The following MAN2B2 variants were observed in gnomAD, a reference collection of about 807,000 sequenced individuals.
MAN2B2 encodes mannosidase alpha class 2B member 2.
A neutral mutation model predicts 117.1 loss-of-function variants in MAN2B2; 106 were observed. The observed-to-expected ratio is 0.90, with a 90% CI of 0.77 to 1.06. MAN2B2 has a LOEUF of 1.06. Ranked by LOEUF, MAN2B2 falls within the 50% of genes least tolerant of loss-of-function variation. The pLI is 0.00. For missense variants in MAN2B2, 1,326 were observed against 1,381.4 expected, an observed-to-expected ratio of 0.96 and a Z score of 0.64; for synonymous variants, 544 against 595.1, an observed-to-expected ratio of 0.91 and a Z score of 1.25.
intron 1 of MAN2B2, 53 bp downstream of exon 1, chr4:6,575,401 C>T: frequency 7.3e-7 from 1 of 1,369,970 alleles, no homozygotes; most frequent in Non-Finnish European, 9.7e-7. Context: ...TCCCTCTCCC[C>T]GCGGGATCTG....
chr4:6,614,425 C>T (rs532529422), intron 16 of MAN2B2, 70 bp downstream of exon 16: 19 of 1,565,048 alleles, frequency 1.2e-5, no homozygotes, highest in African/African-American at 4.1e-5. Flanking sequence ...CCGGGCCCAC[C>T]ACCAGACAGG....
chr4:6,604,977 C>T (rs542003292), intron 10 of MAN2B2, 78 bp from the exon 11 acceptor site: 7 of 1,489,068 alleles, frequency 4.7e-6, no homozygotes, highest in Admixed American at 2.0e-5. Flanking sequence ...ACACTGCTGC[C>T]TCAGCAAGTA....
intron 10 of MAN2B2, among the ~76,000 whole-genome samples, chr4:6,601,873 GTCAA>G (rs915228555): frequency 3.1e-4 from 47 of 152,184 alleles, no homozygotes; most frequent in Non-Finnish European, 1.2e-4. Context: ...ACCTTCCTTG[GTCAA>G]TCAAAGCCGT....
At chr4:6,613,311 G>T (rs138545004) in intron 15 of MAN2B2, among the ~76,000 whole-genome samples, 1 of 152,060 alleles carries the variant, frequency 6.6e-6, no homozygotes, top group African/African-American at 2.4e-5. Context: ...GGTTCTGGCC[G>T]GACATGGTGG....
At chr4:6,579,210 T>A (rs370723923) in intron 3 of MAN2B2, among the ~76,000 whole-genome samples, 1 of 21,536 alleles carries the variant, frequency 4.6e-5, no homozygotes, top group Non-Finnish European at 1.0e-4. Context: ...ACCATCACCA[T>A]CACCACCACC....
In MAN2B2 at chr4:6,614,852, G is replaced by A. The variant is rs531730402; in HGVS notation, c.2701+497G>A. ...TGGGCAAGGTCCTGGCTTTCTGAGCGCTTGGTCTAGAGCAGAAGCAATCAA... is the reference window on the plus strand; with the variant it reads ...TGGGCAAGGTCCTGGCTTTCTGAGCACTTGGTCTAGAGCAGAAGCAATCAA... On this transcript the variant is annotated intron_variant, in intron 16 of 18. Coordinates refer to ENST00000285599, the MANE Select transcript of MAN2B2 (RefSeq NM_015274.3). Among the ~76,000 whole-genome samples, 10 of 152,354 alleles carry A rather than the reference G, an allele frequency of 6.6e-5. No homozygotes were observed. The South Asian group carries it at 8.3e-4, about 13-fold the overall frequency.
intron 3 of MAN2B2, among the ~76,000 whole-genome samples, chr4:6,579,441 T>C (rs1274578128): frequency 6.3e-5 from 5 of 79,264 alleles, no homozygotes; most frequent in Admixed American, 1.3e-4. Context: ...CCACCACCCT[T>C]CACCATCACC....
chr4:6,601,837 C>T (rs116089841), intron 10 of MAN2B2, among the ~76,000 whole-genome samples: 1 of 152,322 alleles, frequency 6.6e-6, no homozygotes, highest in African/African-American at 2.4e-5. Flanking sequence ...CACACAGCTG[C>T]GAGGTGGCAA....
chr4:6,576,510 A>T, intron 1 of MAN2B2, 68 bp from the exon 2 acceptor site: 3 of 1,576,024 alleles, frequency 1.9e-6, no homozygotes, highest in Non-Finnish European at 2.6e-6. Context: ...CACCTGGCGA[A>T]TGGCAGGGGC....
rs115849840 is a variant in MAN2B2, at chr4:6,611,475, A to G, written c.2563+197A>G. 8.2e-4 allele frequency among the ~76,000 whole-genome samples: 125 copies of G among 152,328 alleles called. 2 individuals are homozygous for G. The highest frequency in any genetic ancestry group is 6.2e-4 in the South Asian group (3 of 4,830). ...CAAACAGTGGCTCACTTAAGGTCAT[A>G]CAACTAGGAGGTACAGAGCTGGGAC... is the stretch of plus-strand genomic sequence containing the variant. On this transcript the variant is annotated intron_variant, in intron 15 of 18. Transcript: ENST00000285599.
chr4:6,614,174 T>C (rs1435157030), intron 15 of MAN2B2, 44 bp from the exon 16 acceptor site: 1 of 1,594,528 alleles, frequency 6.3e-7, no homozygotes, highest in East Asian at 2.2e-5. Context: ...GGAGGAGGAG[T>C]TGAGCCCCAA....
At chr4:6,579,310 C>CTT (rs1726302949) in intron 3 of MAN2B2, among the ~76,000 whole-genome samples, 2 of 72,690 alleles carry the variant, frequency 2.8e-5, no homozygotes, top group Non-Finnish European at 6.3e-5. Context: ...ATCACCACCA[C>CTT]CACCACCATC....
intron 16 of MAN2B2, among the ~76,000 whole-genome samples, chr4:6,615,135 C>A (rs1711802576): frequency 6.6e-6 from 1 of 152,360 alleles, no homozygotes; most frequent in South Asian, 2.1e-4. Flanking sequence ...GTGGCTCACA[C>A]CTGGAATCCC....
chr4:6,575,939 C>A (rs1345509648), intron 1 of MAN2B2, among the ~76,000 whole-genome samples: 1 of 152,202 alleles, frequency 6.6e-6, no homozygotes, highest in Non-Finnish European at 1.5e-5. Flanking sequence ...TGCTGCCTTG[C>A]CCAAGGTCGC....
At chr4:6,578,300 G>A in intron 2 of MAN2B2, 93 bp from the exon 3 acceptor site, 2 of 885,096 alleles carry the variant, frequency 2.3e-6, no homozygotes, top group Non-Finnish European at 3.6e-6. Context: ...GTTTTATGCA[G>A]GGCGTGTGTG....
At position 6,589,136 on chromosome 4, in the gene MAN2B2, C is replaced by T. The variant is rs1356070728; in HGVS notation, c.656C>T (p.Pro219Leu). 6.8e-6 allele frequency: 11 copies of T among 1,614,000 alleles called. No individual in the cohort carries two copies. The highest frequency in any genetic ancestry group is 5.5e-5 in the South Asian group (5 of 91,088). Residue 219 changes from proline (P) to leucine (L), a missense_variant, in exon 5 of 19, where the codon CCG (proline) becomes CTG (leucine). Pro to Leu is a moderately conservative substitution (Grantham distance 98, BLOSUM62 -3). Coordinates refer to ENST00000285599, the MANE Select transcript of MAN2B2 (RefSeq NM_015274.3). ...HIMDQYSYCT[P>L]SHIPFSNRSG... ...ATGGACCAGTACAGCTACTGCACCC[C>T]GTCCCACATCCCTTTCTCCAACAGG...
rs368091394 is a variant in MAN2B2 at position 6,586,896 on chromosome 4, C to T, written c.392-100C>T. On this transcript the variant is annotated intron_variant, in intron 3 of 18. Coordinates refer to ENST00000285599, the MANE Select transcript of MAN2B2 (RefSeq NM_015274.3). ...ACCCTGCCTGGCCCAGTAGCTGGCA[C>T]TGCAACCCACTGGATAGGCAGGGTC... 26 of 1,131,576 alleles carry T rather than the reference C, an allele frequency of 2.3e-5. 1 individual carries two copies. The East Asian group carries it at 2.6e-4, about 11-fold the overall frequency. The allele number at this position is 1,131,576 out of a possible 1,614,324, so 70.1% of individuals were successfully genotyped here.
intron 11 of MAN2B2, among the ~76,000 whole-genome samples, chr4:6,607,603 G>A (rs558261370): frequency 6.6e-6 from 1 of 152,300 alleles, no homozygotes; most frequent in South Asian, 2.1e-4. Flanking sequence ...TCGCATGTAT[G>A]TACCATATTT....
intron 3 of MAN2B2, among the ~76,000 whole-genome samples, chr4:6,583,702 A>T (rs1726530517): frequency 6.6e-6 from 1 of 152,250 alleles, no homozygotes; most frequent in Admixed American, 6.5e-5. Context: ...AAGTTTATTT[A>T]AAAAGGCTTT....
Sources: allele counts gnomAD v4.1 joint callset (sites outside exome capture counted in the v4.1 genomes callset), GRCh38; gene constraint gnomAD v4.1.1; transcripts MANE v1.5; gene names NCBI Gene and HGNC (gene_info 2026-07-23, HGNC 2026-07-21).